Variants in ADGRL2 observed in about 807,000 individuals in gnomAD.
The protein encoded by ADGRL2 is calcium-independent alpha-latrotoxin receptor 2.
Under a neutral mutation model 157.4 loss-of-function variants are expected in ADGRL2, and 44 were observed. The ratio of observed to expected loss-of-function variants is 0.28; its 90% CI spans 0.22 to 0.36. The LOEUF (loss-of-function observed/expected upper bound fraction) is 0.36, where lower values mean the gene tolerates loss of function less well. Among genes scored for constraint, ADGRL2 ranks in the 10% least tolerant of loss-of-function variants. ADGRL2 has a pLI of 1.00. For synonymous variants in ADGRL2, 585 were observed against 624.7 expected, an observed-to-expected ratio of 0.94 and a Z score of 0.95; for missense variants, 1,510 against 1,768.9, an observed-to-expected ratio of 0.85 and a Z score of 2.63.
chr1:81,876,231 T>G (rs2093837984), intron 2 of ADGRL2, among the ~76,000 whole-genome samples: 2 of 152,172 alleles, frequency 1.3e-5, no homozygotes. Flanking sequence ...GTTGGTTTTA[T>G]TATATGCTTT....
intron 3 of ADGRL2, among the ~76,000 whole-genome samples, chr1:81,640,492 C>A (rs915769870): frequency 6.6e-6 from 1 of 151,770 alleles, no homozygotes; most frequent in Non-Finnish European, 1.5e-5. Context: ...ATTAGCTGGG[C>A]GTGGTGGCGG....
chr1:81,720,342 G>T (rs563647826), intron 1 of ADGRL2, among the ~76,000 whole-genome samples: 25 of 151,998 alleles, frequency 1.6e-4, no homozygotes, highest in African/African-American at 5.5e-4. Flanking sequence ...GCTAATTTTT[G>T]TATTTTTAGT....
intron 1 of ADGRL2, among the ~76,000 whole-genome samples, chr1:81,411,230 C>T (rs563586013): frequency 2.6e-5 from 4 of 152,216 alleles, no homozygotes; most frequent in Admixed American, 1.3e-4. Context: ...CCAGAGTTGG[C>T]GAATGCAGAT....
intron 2 of ADGRL2, among the ~76,000 whole-genome samples, chr1:81,579,783 A>C (rs1221499665): frequency 6.6e-6 from 1 of 152,062 alleles, no homozygotes; most frequent in Non-Finnish European, 1.5e-5. Flanking sequence ...TTCTCCTGAG[A>C]TGCAATTTAA....
At chr1:81,434,936 A>G (rs2077383360) in intron 1 of ADGRL2, among the ~76,000 whole-genome samples, 1 of 152,180 alleles carries the variant, frequency 6.6e-6, no homozygotes, top group Admixed American at 6.5e-5. Flanking sequence ...ACTGCAAGGG[A>G]CTCCTGTGAG....
At chr1:81,662,703 C>A (rs1372623534) in intron 3 of ADGRL2, among the ~76,000 whole-genome samples, 1 of 151,730 alleles carries the variant, frequency 6.6e-6, no homozygotes, top group Non-Finnish European at 1.5e-5. Context: ...TACAGGTGCC[C>A]ACCACAGTGC....
intron 3 of ADGRL2, among the ~76,000 whole-genome samples, chr1:81,694,121 T>G (rs1259589781): frequency 2.0e-5 from 3 of 152,148 alleles, no homozygotes; most frequent in Non-Finnish European, 4.4e-5. Flanking sequence ...ATTAAACACT[T>G]TAGCATTAAA....
rs35800238 is a variant in ADGRL2, at chr1:81,488,536, C to CAA, written c.-248+43461_-248+43462dup. Among the ~76,000 whole-genome samples, 56 of 138,720 alleles carry CAA rather than the reference C, an allele frequency of 4.0e-4. 1 individual carries two copies. The highest frequency in any genetic ancestry group is 1.3e-3 in the African/African-American group (51 of 38,426). 91.0% of individuals were successfully genotyped at this position (138,720 alleles called of 152,430 possible). On this transcript the variant is annotated intron_variant, in intron 2 of 24. Coordinates refer to the ADGRL2 transcript ENST00000370721. ...TGCAACATGGCAAAACCTGTCTCTA[C>CAA]AAAAAAAAAAAAAAATACAAAAATT... is the stretch of plus-strand genomic sequence containing the variant.
chr1:81,981,291 T>A, intron 18 of ADGRL2: 1 of 185,518 alleles, frequency 5.4e-6, no homozygotes, highest in East Asian at 1.7e-4. Flanking sequence ...TTCTCATGTT[T>A]TTGTCTCATT....
chr1:81,511,398 GCGCA>G (rs1404870170), intron 2 of ADGRL2, among the ~76,000 whole-genome samples: 2 of 101,812 alleles, frequency 2.0e-5, no homozygotes, highest in Non-Finnish European at 3.8e-5. Context: ...AAAAAAAAGC[GCGCA>G]CACACACACA....
chr1:81,446,438 C>A (rs1049050139), intron 2 of ADGRL2, among the ~76,000 whole-genome samples: 2 of 152,148 alleles, frequency 1.3e-5, no homozygotes, highest in Admixed American at 1.3e-4. Context: ...CTATATAGGG[C>A]CAATGACTTC....
At chr1:81,385,690 T>C (rs1158291302) in intron 1 of ADGRL2, among the ~76,000 whole-genome samples, 1 of 151,982 alleles carries the variant, frequency 6.6e-6, no homozygotes, top group Non-Finnish European at 1.5e-5. Context: ...AGAAAAAATT[T>C]TAAAATGAAT....
chr1:81,564,549 T>C (rs1423057858), intron 2 of ADGRL2, among the ~76,000 whole-genome samples: 1 of 152,198 alleles, frequency 6.6e-6, no homozygotes, highest in Non-Finnish European at 1.5e-5. Flanking sequence ...AACCAGAGAA[T>C]GGCATTAGAT....
chr1:81,529,156 G>A (rs1431585996), intron 2 of ADGRL2, among the ~76,000 whole-genome samples: 3 of 152,220 alleles, frequency 2.0e-5, no homozygotes, highest in African/African-American at 7.2e-5. Flanking sequence ...GAGCTAACCT[G>A]GCCGTGGTGG....
In ADGRL2 at chr1:81,971,871, A is replaced by G. The variant is rs1381986658; in HGVS notation, c.2974A>G (p.Asn992Asp). 1 of 1,609,460 alleles carries G rather than the reference A, an allele frequency of 6.2e-7. No homozygotes were observed. Among genetic ancestry groups the G allele is most frequent in the South Asian group, 1.1e-5 (1 of 90,792 alleles). ...TEKACWLHVD[N>D]YFIWSFIGPV... ...TAATAGTTGCTGGCTTCATGTTGAT[A>G]ACTACTTTATATGGAGCTTCATTGG... The change falls in exon 17 of 24, where the codon AAC (asparagine) becomes GAC (aspartate). Residue 992 changes from asparagine to aspartate, a missense_variant. Asn to Asp is a conservative substitution (Grantham distance 23). Around this residue, in one of 4 missense-constraint regions of ADGRL2, gnomAD observed 497 missense variants for 627.2 expected, o/e 0.79. Coordinates refer to ENST00000686636, the MANE Select transcript of ADGRL2 (RefSeq NM_001366006.2).
intron 2 of ADGRL2, among the ~76,000 whole-genome samples, chr1:81,543,424 C>G (rs369613893): frequency 4.6e-5 from 7 of 152,208 alleles, no homozygotes; most frequent in South Asian, 2.1e-4. Context: ...TCTTTGACTT[C>G]CCAGCCTCTA....
intron 1 of ADGRL2, among the ~76,000 whole-genome samples, chr1:81,307,515 T>C (rs561931195): frequency 6.6e-6 from 1 of 152,194 alleles, no homozygotes; most frequent in South Asian, 2.1e-4. Context: ...ATGCAATATG[T>C]CTTTGAAAGT....
chr1:81,820,444 G>A (rs1233812993), intron 1 of ADGRL2, among the ~76,000 whole-genome samples: 1 of 152,064 alleles, frequency 6.6e-6, no homozygotes, highest in Non-Finnish European at 1.5e-5. Flanking sequence ...CTCAGTAAAT[G>A]CTTATTGTTG....
chr1:81,719,884 G>A (rs1373539201), intron 1 of ADGRL2, among the ~76,000 whole-genome samples: 1 of 152,042 alleles, frequency 6.6e-6, no homozygotes, highest in African/African-American at 2.4e-5. Context: ...CCTCTACCTG[G>A]TAGTCTATTT....
Sources: allele counts gnomAD v4.1 joint callset (sites outside exome capture counted in the v4.1 genomes callset), GRCh38; gene constraint gnomAD v4.1.1; regional missense constraint gnomAD v4.1.1; transcripts MANE v1.5; gene names NCBI Gene and HGNC (gene_info 2026-07-23, HGNC 2026-07-21).